Variants in SMCHD1 observed in about 807,000 individuals in gnomAD.
SMCHD1 encodes structural maintenance of chromosomes flexible hinge domain containing 1.
A neutral mutation model predicts 254.7 loss-of-function variants in SMCHD1; 78 were observed. The observed-to-expected ratio is 0.31, with a 90% CI of 0.26 to 0.37. The LOEUF (loss-of-function observed/expected upper bound fraction) is 0.37, where lower values mean the gene tolerates loss of function less well. Ranked by LOEUF, SMCHD1 falls within the 10% of genes least tolerant of loss-of-function variation. The pLI is 1.00. For synonymous variants in SMCHD1, 766 were observed against 794.9 expected (o/e 0.96, Z 0.61); for missense variants, 1,840 against 2,408.1 (o/e 0.76, Z 4.94).
rs2075542752 is a variant in SMCHD1, at chr18:2,750,088, G to T, written c.3973G>T (p.Ala1325Ser). The T allele has an allele frequency of 6.3e-7, 1 of 1,579,822 alleles. No homozygotes were observed. Among genetic ancestry groups the T allele is most frequent in the East Asian group, 2.3e-5 (1 of 43,838 alleles). The change falls in exon 31 of 48, where the codon GCT (alanine) becomes TCT (serine). Residue 1325 changes from alanine to serine, a missense_variant. Around this residue, in one of 9 missense-constraint regions of SMCHD1, gnomAD observed 881 missense variants for 1,009.5 expected, o/e 0.87. Transcript: ENST00000320876. ...QQHKTDEKGRANLGVFSVFAP... is the reference protein window; with the variant it reads ...QQHKTDEKGRSNLGVFSVFAP... ...GCATAAAACAGATGAGAAAGGCAGG[G>T]CTAATTTGGGAGTATTCAGTGTTTT... is the stretch of plus-strand genomic sequence containing the variant.
intron 17 of SMCHD1, 47 bp downstream of exon 17, chr18:2,707,967 T>C: frequency 4.5e-6 from 5 of 1,119,214 alleles, no homozygotes; most frequent in African/African-American, 3.2e-5. Flanking sequence ...TTTTAAAATA[T>C]AATATCAAAT....
chr18:2,662,180 A>AT lies in SMCHD1; in HGVS notation c.187-3977_187-3976insT, dbSNP rs1555624074. ...GACTCCGTCTCAAAAAAAAAAAAAT[A>AT]AAATAAATAAATAAATAAATAAAGA... On this transcript the variant is annotated intron_variant, in intron 1 of 47. Transcript: ENST00000320876. Among the ~76,000 whole-genome samples, 95 of 89,862 alleles carry AT rather than the reference A, an allele frequency of 1.1e-3. 1 individual carries two copies. The highest frequency in any genetic ancestry group is 1.5e-3 in the Non-Finnish European group (75 of 48,848). 59.0% of individuals were successfully genotyped at this position (89,862 alleles called of 152,430 possible).
intron 34 of SMCHD1, among the ~76,000 whole-genome samples, chr18:2,755,737 T>G (rs1456635307): frequency 6.6e-6 from 1 of 151,768 alleles, no homozygotes; most frequent in Non-Finnish European, 1.5e-5. Flanking sequence ...CCAGCTAATT[T>G]TTTGTATTTT....
chr18:2,725,113 T>G, intron 21 of SMCHD1, 118 bp downstream of exon 21: 2 of 562,782 alleles, frequency 3.6e-6, no homozygotes, highest in Non-Finnish European at 2.9e-6. Context: ...TGACAGTAAT[T>G]GGGTTCTTAG....
intron 44 of SMCHD1, among the ~76,000 whole-genome samples, chr18:2,779,771 A>T (rs2076124288): frequency 1.3e-5 from 2 of 152,136 alleles, no homozygotes; most frequent in Admixed American, 6.6e-5. Flanking sequence ...GTGTGCTCTG[A>T]TCATGCCTAT....
At chr18:2,678,434 CTTACAGGCACATGCTGGGA>C (rs1287758395) in intron 5 of SMCHD1, among the ~76,000 whole-genome samples, 2 of 151,796 alleles carry the variant, frequency 1.3e-5, no homozygotes, top group East Asian at 1.9e-4. Flanking sequence ...CTGGGCTTGG[CTTACAGGCACATGCTGGGA>C]TTACAGGCAC....
At chr18:2,736,622 TGTG>T (rs2075255151) in intron 25 of SMCHD1, among the ~76,000 whole-genome samples, 1 of 152,022 alleles carries the variant, frequency 6.6e-6, no homozygotes, top group Non-Finnish European at 1.5e-5. Flanking sequence ...AAGACATACA[TGTG>T]GTCAGCAAAT....
Position 2,655,768 on chromosome 18 carries a change from C to T in SMCHD1, c.-308C>T, listed in dbSNP as rs2143726061. The stretch of plus-strand genomic sequence containing the variant: ...GCTGGTCGCGGGTCGCACCGTGAGG[C>T]TCGCGTGGGCGGCGATAGGCGCTGG... On this transcript the variant is annotated 5_prime_UTR_variant, in exon 1 of 48. Coordinates refer to ENST00000320876, the MANE Select transcript of SMCHD1 (RefSeq NM_015295.3). The T allele has an allele frequency of 4.0e-6, 1 of 251,850 alleles. No individual in the cohort carries two copies. The allele number at this position is 251,850 out of a possible 1,614,324, so 15.6% of individuals were successfully genotyped here.
In SMCHD1 at chr18:2,744,408, ATGTC is replaced by A. The variant is rs572352304; in HGVS notation, c.3801+485_3801+488del. ...TAAATTTTAAATACTAATTTTGTAA[ATGTC>A]TGTCAAATCTGTTTTTTTTTTTTAC... On this transcript the variant is annotated intron_variant, in intron 29 of 47. Coordinates refer to ENST00000320876, the MANE Select transcript of SMCHD1 (RefSeq NM_015295.3). Among the ~76,000 whole-genome samples, 50 of 152,168 alleles carry A rather than the reference ATGTC, an allele frequency of 3.3e-4. No individual in the cohort carries two copies. In the South Asian group the frequency reaches 9.9e-3, roughly 30 times the overall value.
At chr18:2,727,663 T>C (rs779519375) in intron 22 of SMCHD1, among the ~76,000 whole-genome samples, 2 of 152,022 alleles carry the variant, frequency 1.3e-5, no homozygotes, top group Non-Finnish European at 2.9e-5. Context: ...AATACTTAAT[T>C]TCTCTGAATC....
At chr18:2,737,461 A>G (rs2075272576) in intron 25 of SMCHD1, among the ~76,000 whole-genome samples, 1 of 152,170 alleles carries the variant, frequency 6.6e-6, no homozygotes, top group African/African-American at 2.4e-5. Context: ...TGGCTCACAC[A>G]TGTAATCCCA....
intron 5 of SMCHD1, among the ~76,000 whole-genome samples, chr18:2,685,946 T>C (rs1209688767): frequency 6.6e-6 from 1 of 152,224 alleles, no homozygotes; most frequent in Admixed American, 6.5e-5. Context: ...TCTGAGTCCC[T>C]GAACCAGTTT....
Position 2,703,622 on chromosome 18 carries a change from A to G in SMCHD1, c.1648-70A>G, listed in dbSNP as rs866542748. 4 of 1,282,564 alleles carry G rather than the reference A, an allele frequency of 3.1e-6. No homozygotes were observed. The Middle Eastern group carries it at 1.1e-3, about 346-fold the overall frequency. 79.4% of individuals were successfully genotyped at this position (1,282,564 alleles called of 1,614,324 possible). On this transcript the variant is annotated intron_variant, in intron 12 of 47. Transcript: ENST00000320876. ...ATATGAAAGGAAAAAAATAAAATGA[A>G]TGACAAATGTTTATGGTTATATTTG... is the stretch of plus-strand genomic sequence containing the variant.
chr18:2,694,896 T>C (rs1199394878), intron 8 of SMCHD1, among the ~76,000 whole-genome samples: 1 of 152,208 alleles, frequency 6.6e-6, no homozygotes, highest in Admixed American at 6.5e-5. Context: ...TCACCTCTAG[T>C]GTACTGAGCA....
intron 1 of SMCHD1, among the ~76,000 whole-genome samples, chr18:2,662,717 T>C (rs573153128): frequency 2.5e-4 from 27 of 110,016 alleles, no homozygotes; most frequent in African/African-American, 9.2e-4. Flanking sequence ...AAAAAAGTAG[T>C]AATGAATTAA....
chr18:2,778,797 G>C (rs1568371936), intron 44 of SMCHD1: 1 of 152,366 alleles, frequency 6.6e-6, no homozygotes, highest in Non-Finnish European at 1.5e-5. Context: ...TTTCCCCCTT[G>C]TTGTAAGGAT....
chr18:2,722,697 G>A (rs2074951234), intron 20 of SMCHD1, 34 bp downstream of exon 20: 1 of 1,549,358 alleles, frequency 6.5e-7, no homozygotes, highest in South Asian at 1.3e-5. Flanking sequence ...TTTGTCCTTT[G>A]ATATTTGCTA....
chr18:2,664,894 G>A (rs2073393097), intron 1 of SMCHD1, among the ~76,000 whole-genome samples: 1 of 152,188 alleles, frequency 6.6e-6, no homozygotes, highest in Non-Finnish European at 1.5e-5. Flanking sequence ...TAAATAATTT[G>A]TTCTTTCCCT....
chr18:2,770,031 A>T lies in SMCHD1; in HGVS notation c.4889A>T (p.Lys1630Met). ...QQQMAALTKE[K>M]DQLSQSIVMY... ...CAAATGGCAGCACTTACAAAAGAAAAGGACCAATTATCTCAGTCTATTGTT... is the reference window on the plus strand; with the variant it reads ...CAAATGGCAGCACTTACAAAAGAAATGGACCAATTATCTCAGTCTATTGTT... Residue 1630 changes from lysine (K) to methionine (M), a missense_variant, in exon 39 of 48, where the codon AAG becomes ATG. Coordinates refer to ENST00000320876, the MANE Select transcript of SMCHD1 (RefSeq NM_015295.3). 1 of 1,601,034 alleles carries T rather than the reference A, an allele frequency of 6.2e-7. No homozygotes were observed. The highest frequency in any genetic ancestry group is 8.5e-7 in the Non-Finnish European group (1 of 1,176,528).
Sources: allele counts gnomAD v4.1 joint callset (sites outside exome capture counted in the v4.1 genomes callset), GRCh38; gene constraint gnomAD v4.1.1; regional missense constraint gnomAD v4.1.1; transcripts MANE v1.5; gene names NCBI Gene and HGNC (gene_info 2026-07-23, HGNC 2026-07-21).